The following PRKCA variants were observed in gnomAD, a reference collection of about 807,000 sequenced individuals.
PRKCA encodes protein kinase C alpha, also known as protein kinase C alpha type.
A neutral mutation model predicts 87.0 loss-of-function variants in PRKCA; 27 were observed. The observed-to-expected ratio is 0.31, with a 90% CI of 0.23 to 0.43. The LOEUF (loss-of-function observed/expected upper bound fraction) is 0.43. Among genes scored for constraint, PRKCA ranks in the 20% least tolerant of loss-of-function variants. PRKCA has a pLI of 1.00. For missense variants in PRKCA, 518 were observed against 852.3 expected (o/e 0.61, Z 4.88); for synonymous variants, 329 against 311.1 (o/e 1.06, Z -0.61).
chr17:66,565,325 A>G (rs1269368350), intron 3 of PRKCA, among the ~76,000 whole-genome samples: 4 of 152,182 alleles, frequency 2.6e-5, no homozygotes, highest in African/African-American at 4.8e-5. Context: ...AGCAGGGGAA[A>G]GCTGCTCTAA....
chr17:66,785,512 G>A (rs546254860), intron 14 of PRKCA, among the ~76,000 whole-genome samples: 4 of 152,236 alleles, frequency 2.6e-5, no homozygotes, highest in East Asian at 3.9e-4. Flanking sequence ...CCTTTCTGAC[G>A]CTAAGCTCAA....
chr17:66,719,984 T>G (rs1014234292), intron 8 of PRKCA, among the ~76,000 whole-genome samples: 2 of 152,200 alleles, frequency 1.3e-5, no homozygotes, highest in Admixed American at 1.3e-4. Context: ...TCTGCAAATA[T>G]TTGAGGACCA....
chr17:66,346,571 A>G (rs1907385759), intron 2 of PRKCA, among the ~76,000 whole-genome samples: 1 of 152,148 alleles, frequency 6.6e-6, no homozygotes. Flanking sequence ...TATGAAAACT[A>G]CAGATCCTAA....
At chr17:66,791,279 T>G (rs1324117750) in intron 16 of PRKCA, among the ~76,000 whole-genome samples, 1 of 151,666 alleles carries the variant, frequency 6.6e-6, no homozygotes, top group African/African-American at 2.4e-5. Flanking sequence ...GCCCTAAAAC[T>G]GGAGGTTTCA....
chr17:66,512,172 A>G (rs1260234763), intron 3 of PRKCA, among the ~76,000 whole-genome samples: 1 of 152,156 alleles, frequency 6.6e-6, no homozygotes, highest in Middle Eastern at 3.2e-3. Flanking sequence ...CAGGCAGATC[A>G]AATCATTGTG....
chr17:66,779,663 GA>G (rs1975156401), intron 14 of PRKCA, among the ~76,000 whole-genome samples: 1 of 152,094 alleles, frequency 6.6e-6, no homozygotes, highest in Admixed American at 6.6e-5. Context: ...CTGTGATTAG[GA>G]ATCCTTTTTT....
chr17:66,783,319 T>G (rs1371576485), intron 14 of PRKCA, among the ~76,000 whole-genome samples: 1 of 152,142 alleles, frequency 6.6e-6, no homozygotes, highest in African/African-American at 2.4e-5. Flanking sequence ...CCTGTACAAT[T>G]TAAATGTTAA....
At chr17:66,490,077 A>G (rs1916169579) in intron 2 of PRKCA, among the ~76,000 whole-genome samples, 1 of 152,170 alleles carries the variant, frequency 6.6e-6, no homozygotes, top group Non-Finnish European at 1.5e-5. Flanking sequence ...AACCACACCC[A>G]GCCCAAATAC....
chr17:66,757,584 A>C (rs1467519843), intron 13 of PRKCA, among the ~76,000 whole-genome samples: 1 of 152,038 alleles, frequency 6.6e-6, no homozygotes, highest in Non-Finnish European at 1.5e-5. Context: ...AAAAAAAAAA[A>C]AAAAAACGAA....
At chr17:66,484,748 A>G (rs1472358630) in intron 2 of PRKCA, among the ~76,000 whole-genome samples, 2 of 152,212 alleles carry the variant, frequency 1.3e-5, no homozygotes, top group African/African-American at 4.8e-5. Flanking sequence ...ATTGTCAACT[A>G]TTACCAATCT....
At chr17:66,781,849 TGAGAGAGAGA>T (rs56164343) in intron 14 of PRKCA, among the ~76,000 whole-genome samples, 4 of 131,504 alleles carry the variant, frequency 3.0e-5, no homozygotes, top group African/African-American at 6.0e-5. Context: ...GTAAATTTTG[TGAGAGAGAGA>T]GAGAGAGAGA....
At chr17:66,658,210 T>TG (rs1322080611) in intron 5 of PRKCA, among the ~76,000 whole-genome samples, 1 of 152,134 alleles carries the variant, frequency 6.6e-6, no homozygotes, top group Non-Finnish European at 1.5e-5. Context: ...CCGGGCACAG[T>TG]GGCTCATGCC....
chr17:66,578,010 C>T (rs73996407), intron 3 of PRKCA, among the ~76,000 whole-genome samples: 12,774 of 152,092 alleles, frequency 0.084, 617 homozygotes, highest in East Asian at 0.13. Flanking sequence ...TTGTGTCATG[C>T]GCCCCCTCCA....
In PRKCA at chr17:66,464,959, G is replaced by A. The variant is rs143882240; in HGVS notation, c.206-31242G>A. Among the ~76,000 whole-genome samples the A allele has an allele frequency of 3.7e-3, 556 of 152,174 alleles. 2 individuals are homozygous for A. The highest frequency in any genetic ancestry group is 6.3e-3 in the Non-Finnish European group (429 of 68,000). ...TTATTGCCAAACCCAAGGTCATCTA[G>A]ATCTTTCTCCTTTGTTATTTTGTAG... On this transcript the variant is annotated intron_variant, in intron 2 of 16. Transcript: ENST00000413366.
chr17:66,333,390 G>A (rs1906469374), intron 2 of PRKCA, among the ~76,000 whole-genome samples: 1 of 152,116 alleles, frequency 6.6e-6, no homozygotes, highest in South Asian at 2.1e-4. Context: ...GAATGATCAA[G>A]CTGTTTTCTG....
At chr17:66,707,163 G>T (rs1420541997) in intron 8 of PRKCA, among the ~76,000 whole-genome samples, 5 of 152,088 alleles carry the variant, frequency 3.3e-5, no homozygotes, top group Admixed American at 2.0e-4. Context: ...TCCTTGGAAA[G>T]ACCCTCCCTT....
rs142079247 is a variant in PRKCA, at chr17:66,443,333, C to T, written c.206-52868C>T. Among the ~76,000 whole-genome samples, 955 of 152,258 alleles carry T rather than the reference C, an allele frequency of 6.3e-3. 13 individuals are homozygous for T. The highest frequency in any genetic ancestry group is 0.02 in the African/African-American group (849 of 41,536). ...GAATGGGAAGTAACTTAGGGGAAAA[C>T]TATGATGAGGTTGTTGGCATTTGTT... On this transcript the variant is annotated intron_variant, in intron 2 of 16. Coordinates refer to ENST00000413366, the MANE Select transcript of PRKCA (RefSeq NM_002737.3).
At chr17:66,690,827 C>CAAA (rs34671486) in intron 8 of PRKCA, among the ~76,000 whole-genome samples, 5 of 66,566 alleles carry the variant, frequency 7.5e-5, no homozygotes, top group African/African-American at 2.4e-4. Context: ...GACTCTGTCT[C>CAAA]AAAAAAAAAA....
At chr17:66,587,706 T>C (rs1969642788) in intron 3 of PRKCA, among the ~76,000 whole-genome samples, 1 of 124,990 alleles carries the variant, frequency 8.0e-6, no homozygotes, top group South Asian at 2.8e-4. Flanking sequence ...TATACATATA[T>C]ACGTATATGT....
Sources: gnomAD v4.1 joint callset for allele counts (sites outside exome capture counted in the v4.1 genomes callset) on GRCh38, gnomAD v4.1.1 for gene constraint, MANE v1.5 for transcripts, NCBI Gene and HGNC (gene_info 2026-07-23, HGNC 2026-07-21) for gene names.